SON: variants seen among roughly 807,000 people sequenced by gnomAD.
The protein encoded by SON is protein SON.
Under a neutral mutation model 173.3 loss-of-function variants are expected in SON, and 4 were observed. The observed-to-expected ratio is 0.02, with a 90% CI of 0.01 to 0.05. SON has a LOEUF of 0.05. SON is among the 10% of genes least tolerant of loss of function. The probability of loss-of-function intolerance (pLI) is 1.00; values close to 1 mark genes in which losing one functional copy is unlikely to be tolerated. For synonymous variants in SON, 1,190 were observed against 1,105.9 expected (o/e 1.08, Z -1.51); for missense variants, 2,626 against 3,055.3 (o/e 0.86, Z 3.31).
At chr21:33,545,825 A>G (rs994710418) in intron 1 of SON, among the ~76,000 whole-genome samples, 1 of 152,220 alleles carries the variant, frequency 6.6e-6, no homozygotes, top group Admixed American at 6.5e-5. Context: ...GCTTTAATGT[A>G]GCCATGGTTT....
intron 6 of SON, among the ~76,000 whole-genome samples, chr21:33,564,560 G>T (rs749280885): frequency 6.6e-6 from 1 of 151,886 alleles, no homozygotes; most frequent in Non-Finnish European, 1.5e-5. Flanking sequence ...ATATGTTTTC[G>T]CATTAAAAAT....
At position 33,550,316 on chromosome 21, in the gene SON, C is replaced by T. The variant is rs756474261; in HGVS notation, c.1085C>T (p.Pro362Leu). The stretch of plus-strand genomic sequence containing the variant: ...TCCATGACAAGACCGCAGGAGTTGC[C>T]GGAGCTGCCTAAGACCACAGCGTTG... ...DSSMTRPQEL[P>L]ELPKTTALEL... is the part of the protein sequence containing the mutation. Residue 362 changes from proline (P) to leucine (L), a missense_variant, in exon 3 of 12, where the codon CCG (proline) becomes CTG (leucine). Around this residue, in one of 13 missense-constraint regions of SON, gnomAD observed 757 missense variants for 730.1 expected, o/e 1.04. Transcript: ENST00000356577. The T allele has an allele frequency of 2.5e-5, 40 of 1,613,944 alleles. No individual in the cohort carries two copies. The highest frequency in any genetic ancestry group is 1.6e-4 in the African/African-American group (12 of 74,884).
intron 2 of SON, among the ~76,000 whole-genome samples, chr21:33,549,256 G>A (rs1436474843): frequency 6.6e-6 from 1 of 152,020 alleles, no homozygotes; most frequent in Non-Finnish European, 1.5e-5. Flanking sequence ...TGTATTTTTA[G>A]TAGAGATGGG....
intron 6 of SON, among the ~76,000 whole-genome samples, chr21:33,565,634 A>C (rs1017923757): frequency 6.6e-6 from 1 of 152,222 alleles, no homozygotes; most frequent in Non-Finnish European, 1.5e-5. Flanking sequence ...TATTTCTAAT[A>C]GGTCTTAGAA....
intron 3 of SON, 142 bp from the exon 4 acceptor site, chr21:33,557,014 T>C: frequency 5.4e-6 from 2 of 368,002 alleles, no homozygotes; most frequent in South Asian, 6.3e-5. Flanking sequence ...AGTTTTTTCC[T>C]TTTTTTTTTT....
chr21:33,567,293 T>C (rs377761655), intron 7 of SON, 26 bp downstream of exon 7: 6 of 1,329,396 alleles, frequency 4.5e-6, no homozygotes, highest in African/African-American at 1.4e-5. Context: ...TTAAAAAAAA[T>C]TATTATTTAC....
chr21:33,549,591 AAAG>A lies in SON; in HGVS notation c.366_368del (p.Lys123del), dbSNP rs754707200. ...AAAAGCACAAAAACAAAAAGAAGAA[AAAG>A]AAGAAAGAAAAGGAAAAAAAATATA... On this transcript the variant is annotated inframe_deletion, in exon 3 of 12. Coordinates refer to ENST00000356577, the MANE Select transcript of SON (RefSeq NM_138927.4). The A allele has an allele frequency of 3.0e-5, 47 of 1,589,378 alleles. No homozygotes were observed. The highest frequency in any genetic ancestry group is 3.6e-5 in the Non-Finnish European group (42 of 1,173,212).
At position 33,550,229 on chromosome 21, in the gene SON, C is replaced by T. The variant is rs756795301; in HGVS notation, c.998C>T (p.Ala333Val). The T allele has an allele frequency of 8.1e-6, 13 of 1,614,128 alleles. No individual in the cohort carries two copies. The African/African-American group carries it at 1.7e-4, about 22-fold the overall frequency. Residue 333 changes from alanine to valine, a missense_variant, in exon 3 of 12, where the codon GCA becomes GTA. This residue lies in a region of SON where 757 missense variants were observed against 730.1 expected (regional missense o/e 1.04). Coordinates refer to ENST00000356577, the MANE Select transcript of SON (RefSeq NM_138927.4). Reference protein sequence around the residue: ...STTMDFPESSAIEALRLPEQP... With the variant: ...STTMDFPESSVIEALRLPEQP... ...ACAATGGATTTTCCAGAGTCATCTG[C>T]AATTGAAGCGCTAAGATTGCCAGAG...
intron 9 of SON, among the ~76,000 whole-genome samples, chr21:33,575,224 C>T (rs1363674934): frequency 2.0e-5 from 3 of 151,804 alleles, no homozygotes; most frequent in Admixed American, 1.3e-4. Flanking sequence ...TTAGTAGAGA[C>T]GGGGTTTCAC....
intron 1 of SON, 145 bp downstream of exon 1, chr21:33,543,314 C>A: frequency 9.4e-6 from 6 of 641,432 alleles, no homozygotes. Context: ...ATTTTCCGGG[C>A]CCCCCCCAAC....
chr21:33,570,335 G>A (rs2086256656), intron 8 of SON: 1 of 152,118 alleles, frequency 6.6e-6, no homozygotes, highest in African/African-American at 2.4e-5. Context: ...TGGTTGCTTT[G>A]TGTATTTTAA....
At position 33,560,443 on chromosome 21, in the gene SON, C is replaced by T. The variant is rs1020653686; in HGVS notation, c.6657+668C>T. On this transcript the variant is annotated intron_variant, in intron 6 of 11. Transcript: ENST00000356577. ...AAAAGTCGGAGAAGTGGAATTCAAA[C>T]GTTGAAATTTCCACGGGGCTATAGT... The T allele has an allele frequency of 6.5e-6, 7 of 1,072,980 alleles. No individual in the cohort carries two copies. The East Asian group carries it at 2.7e-4, about 41-fold the overall frequency. 66.5% of individuals were successfully genotyped at this position (1,072,980 alleles called of 1,614,324 possible). A position where few individuals can be genotyped will look rare whatever the true frequency, so the allele number is the denominator to read the frequency against.
intron 6 of SON, among the ~76,000 whole-genome samples, chr21:33,566,315 AAAAT>A (rs1038776061): frequency 6.6e-6 from 1 of 152,160 alleles, no homozygotes; most frequent in African/African-American, 2.4e-5. Flanking sequence ...TAGAACAAAA[AAAAT>A]AACAAATACT....
At chr21:33,576,243 T>C in intron 11 of SON, 122 bp from the exon 12 acceptor site, 1 of 656,732 alleles carries the variant, frequency 1.5e-6, no homozygotes, top group Non-Finnish European at 2.7e-6. Context: ...GATTATAATT[T>C]GACTTACATA....
Position 33,552,221 on chromosome 21 carries a change from G to A in SON, c.2990G>A (p.Arg997His). 6.2e-7 allele frequency: 1 copy of A among 1,614,144 alleles called. No homozygotes were observed. Among genetic ancestry groups the A allele is most frequent in the Non-Finnish European group, 8.5e-7 (1 of 1,180,020 alleles). The change falls in exon 3 of 12, where the codon CGT (arginine) becomes CAT (histidine). Residue 997 changes from arginine to histidine, a missense_variant. Coordinates refer to ENST00000356577, the MANE Select transcript of SON (RefSeq NM_138927.4). The surrounding 1 kb of genome is among the most constrained non-coding windows in gnomAD (Gnocchi z 5.6). ...APRPLMLASR[R>H]SMMMSYAAER... ...AGACCCCTGATGTTAGCATCTAGACGTTCTATGATGATGTCCTATGCTGCA... is the reference window on the plus strand; with the variant it reads ...AGACCCCTGATGTTAGCATCTAGACATTCTATGATGATGTCCTATGCTGCA...
intron 8 of SON, among the ~76,000 whole-genome samples, chr21:33,571,332 C>T (rs1413945579): frequency 6.6e-6 from 1 of 152,178 alleles, no homozygotes; most frequent in African/African-American, 2.4e-5. Flanking sequence ...ATTGTCTACT[C>T]ATTAAATGTT....
Position 33,552,411 on chromosome 21 carries a change from A to G in SON, c.3180A>G (p.Ser1060=). 6.2e-7 allele frequency: 1 copy of G among 1,613,546 alleles called. No homozygotes were observed. ...MSPMAERSMM[S]AYERSMMSAY... is the part of the protein sequence containing the mutation. ...CTATGGCTGAGCGCTCTATGATGTC[A>G]GCTTATGAACGCTCCATGATGTCAG... The change falls in exon 3 of 12, where the codon TCA becomes TCG. Residue 1060 remains serine (S), a synonymous_variant. Transcript: ENST00000356577. This position sits in a 1 kb window ranked among gnomAD's most constrained non-coding sequence, Gnocchi z 5.6.
intron 9 of SON, among the ~76,000 whole-genome samples, chr21:33,574,212 A>G (rs2086349426): frequency 6.6e-6 from 1 of 152,226 alleles, no homozygotes. Context: ...TGATTTTTGT[A>G]TAGCTTGTTT....
At position 33,543,145 on chromosome 21, in the gene SON, G is replaced by T. The variant is rs967177354; in HGVS notation, c.53G>T (p.Arg18Leu). 1.2e-6 allele frequency: 2 copies of T among 1,614,184 alleles called. No homozygotes were observed. The highest frequency in any genetic ancestry group is 1.7e-6 in the Non-Finnish European group (2 of 1,180,004). The part of the protein sequence containing the change: ...IFRSFVVSKF[R>L]EIQQELSSGR... ...AGGTCTTTCGTGGTCAGTAAATTCCGGGAAATTCAACAGGAGCTTTCCAGG... is the reference window on the plus strand; with the variant it reads ...AGGTCTTTCGTGGTCAGTAAATTCCTGGAAATTCAACAGGAGCTTTCCAGG... The change falls in exon 1 of 12, where the codon CGG (arginine) becomes CTG (leucine). Residue 18 changes from arginine to leucine, a missense_variant. This residue lies in a region of SON where 757 missense variants were observed against 730.1 expected (regional missense o/e 1.04). Coordinates refer to ENST00000356577, the MANE Select transcript of SON (RefSeq NM_138927.4).
Sources: gnomAD v4.1 joint callset for allele counts (sites outside exome capture counted in the v4.1 genomes callset) on GRCh38, gnomAD v4.1.1 for gene constraint, gnomAD v4.1.1 regional missense constraint, Gnocchi (gnomAD v3.1) non-coding constraint, MANE v1.5 for transcripts, NCBI Gene and HGNC (gene_info 2026-07-23, HGNC 2026-07-21) for gene names.